Variants in PARD3B observed in about 807,000 individuals in gnomAD.
PARD3B encodes par-3 family cell polarity regulator beta, also known as partitioning defective 3 homolog B.
PARD3B carries 103 observed loss-of-function variants against 130.2 expected under a neutral mutation model. The observed-to-expected ratio is 0.79, with a 90% confidence interval of 0.67 to 0.93. PARD3B has a LOEUF of 0.93. Ranked by LOEUF, PARD3B falls within the 40% of genes least tolerant of loss-of-function variation. The pLI, the probability that PARD3B is intolerant of heterozygous loss-of-function variation, is 0.00. For synonymous variants in PARD3B, 583 were observed against 553.2 expected, an observed-to-expected ratio of 1.05 and a Z score of -0.76; for missense variants, 1,609 against 1,499.2, an observed-to-expected ratio of 1.07 and a Z score of -1.21.
rs1575423941 is a variant in PARD3B, at chr2:205,584,677, C to CA, written c.3261-30774dup. 1.3e-5 allele frequency among the ~76,000 whole-genome samples: 2 copies of CA among 151,930 alleles called. No individual in the cohort carries two copies. Among genetic ancestry groups the CA allele is most frequent in the African/African-American group, 4.8e-5 (2 of 41,352 alleles). On this transcript the variant is annotated intron_variant, in intron 22 of 22. Transcript: ENST00000406610. This position sits in a 1 kb window ranked among gnomAD's most constrained non-coding sequence, Gnocchi z 5.5. ...TGGGCAACAGAGCAAAACTCCATCT[C>CA]AAAAATAAATAAATAAAAATAAATA... is the stretch of plus-strand genomic sequence containing the variant.
intron 18 of PARD3B, among the ~76,000 whole-genome samples, chr2:205,357,543 C>A (rs2044239656): frequency 6.6e-6 from 1 of 151,686 alleles, no homozygotes; most frequent in African/African-American, 2.4e-5. Context: ...CCAATGATGC[C>A]AGAGAAAAAG....
intron 2 of PARD3B, among the ~76,000 whole-genome samples, chr2:204,958,408 G>C (rs1050801795): frequency 6.6e-6 from 1 of 152,208 alleles, no homozygotes; most frequent in Non-Finnish European, 1.5e-5. Flanking sequence ...CACAAACCAT[G>C]TACTGCTAGG....
intron 2 of PARD3B, among the ~76,000 whole-genome samples, chr2:204,796,211 C>G (rs2042370276): frequency 6.6e-6 from 1 of 152,136 alleles, no homozygotes; most frequent in Non-Finnish European, 1.5e-5. Context: ...TTTCCTCTAC[C>G]AGGGTGGTCT....
rs938688307 is a variant in PARD3B at position 205,022,299 on chromosome 2, A to G, written c.395-25282A>G. Among the ~76,000 whole-genome samples the G allele has an allele frequency of 8.5e-5, 13 of 152,172 alleles. 1 individual carries two copies. Among genetic ancestry groups the G allele is most frequent in the African/African-American group, 2.4e-4 (10 of 41,454 alleles). On this transcript the variant is annotated intron_variant, in intron 3 of 22. Coordinates refer to ENST00000406610, the MANE Select transcript of PARD3B (RefSeq NM_001302769.2). ...TATCTATGACTGGATTGTAACAGAA[A>G]TTGGAATTTGCCGGCCAACACTGAA...
chr2:205,460,974 A>G lies in PARD3B; in HGVS notation c.3044+20302A>G, dbSNP rs1338958379. On this transcript the variant is annotated intron_variant, in intron 20 of 22. Transcript: ENST00000406610. The surrounding 1 kb of genome is among the most constrained non-coding windows in gnomAD (Gnocchi z 4.9). ...CCTCCAGTCCAGGGCTTAGGAAACA[A>G]GGTTCTTTAACAGTCATTTGATTTC... 6.6e-6 allele frequency among the ~76,000 whole-genome samples: 1 copy of G among 152,176 alleles called. No individual in the cohort carries two copies. Among genetic ancestry groups the G allele is most frequent in the East Asian group, 1.9e-4 (1 of 5,198 alleles).
At chr2:204,747,513 A>G (rs2040290484) in intron 2 of PARD3B, among the ~76,000 whole-genome samples, 1 of 152,206 alleles carries the variant, frequency 6.6e-6, no homozygotes, top group African/African-American at 2.4e-5. Context: ...TGCCCAAGGT[A>G]ATTTATAGAT....
chr2:205,610,250 C>T (rs2055182291), intron 22 of PARD3B, among the ~76,000 whole-genome samples: 1 of 152,158 alleles, frequency 6.6e-6, no homozygotes, highest in South Asian at 2.1e-4. Flanking sequence ...ACCTTGACCT[C>T]GGGTTCGTGT....
intron 18 of PARD3B, among the ~76,000 whole-genome samples, chr2:205,307,903 G>C (rs753352413): frequency 2.0e-5 from 3 of 152,102 alleles, no homozygotes; most frequent in Non-Finnish European, 2.9e-5. Context: ...GGAAAGGTTT[G>C]ATATGGTTCA....
chr2:204,941,966 A>G (rs1298826763), intron 2 of PARD3B, among the ~76,000 whole-genome samples: 1 of 152,154 alleles, frequency 6.6e-6, no homozygotes, highest in Non-Finnish European at 1.5e-5. Flanking sequence ...CATATCTTTA[A>G]GCTGGTTTTA....
rs1435016259 is a variant in PARD3B, at chr2:205,463,570, T to G, written c.3044+22898T>G. Among the ~76,000 whole-genome samples the G allele has an allele frequency of 6.6e-6, 1 of 152,182 alleles. No homozygotes were observed. The highest frequency in any genetic ancestry group is 6.5e-5 in the Admixed American group (1 of 15,276). On this transcript the variant is annotated intron_variant, in intron 20 of 22. Transcript: ENST00000406610. The surrounding 1 kb of genome is among the most constrained non-coding windows in gnomAD (Gnocchi z 4.8). ...GGGAGAGAGATCATTACACTTCTGC[T>G]CATGGTTAGCTATTTGTGAACCAAC...
intron 1 of PARD3B, among the ~76,000 whole-genome samples, chr2:204,617,034 C>G: frequency 6.6e-6 from 1 of 152,096 alleles, no homozygotes; most frequent in South Asian, 2.1e-4. Flanking sequence ...TTTAAAAACC[C>G]ATGCCAAAGT....
intron 14 of PARD3B, among the ~76,000 whole-genome samples, chr2:205,191,455 G>A (rs1173245963): frequency 6.6e-6 from 1 of 152,176 alleles, no homozygotes; most frequent in Non-Finnish European, 1.5e-5. Flanking sequence ...AGGGCTCCTA[G>A]TCACAGACTT....
At chr2:205,398,345 T>C (rs1479527562) in intron 18 of PARD3B, among the ~76,000 whole-genome samples, 1 of 152,188 alleles carries the variant, frequency 6.6e-6, no homozygotes, top group African/African-American at 2.4e-5. Flanking sequence ...TCTGTATTTT[T>C]CTCTTTTCCG....
intron 16 of PARD3B, among the ~76,000 whole-genome samples, chr2:205,283,164 T>C (rs1386382347): frequency 6.6e-6 from 1 of 152,240 alleles, no homozygotes; most frequent in African/African-American, 2.4e-5. Context: ...TCTTGAAGGA[T>C]TGGTTCTTTC....
chr2:205,473,657 T>C lies in PARD3B; in HGVS notation c.3045-26239T>C, dbSNP rs1367636476. 1.1e-5 allele frequency among the ~76,000 whole-genome samples: 1 copy of C among 90,100 alleles called. No homozygotes were observed. The highest frequency in any genetic ancestry group is 2.9e-4 in the East Asian group (1 of 3,508). 59.1% of individuals were successfully genotyped at this position (90,100 alleles called of 152,430 possible). A position where few individuals can be genotyped will look rare whatever the true frequency, so the allele number is the denominator to read the frequency against. On this transcript the variant is annotated intron_variant, in intron 20 of 22. Transcript: ENST00000406610. This position sits in a 1 kb window ranked among gnomAD's most constrained non-coding sequence, Gnocchi z 4.9. ...TTCCCAATATAAGGTTATATATATG[T>C]GTGTGTGTGTGTGTGTGTGTGTGTA...
At chr2:205,490,974 G>A (rs1021219239) in intron 20 of PARD3B, among the ~76,000 whole-genome samples, 5 of 152,186 alleles carry the variant, frequency 3.3e-5, no homozygotes, top group South Asian at 2.1e-4. Context: ...TCTTGTAAAT[G>A]TGTTGGAGTT....
intron 22 of PARD3B, among the ~76,000 whole-genome samples, chr2:205,570,897 C>A (rs995895259): frequency 2.0e-5 from 3 of 152,172 alleles, no homozygotes; most frequent in Admixed American, 6.5e-5. Flanking sequence ...AAGTACTATG[C>A]TGATCCCACC....
At chr2:205,371,785 C>G (rs2044828554) in intron 18 of PARD3B, among the ~76,000 whole-genome samples, 1 of 152,022 alleles carries the variant, frequency 6.6e-6, no homozygotes, top group Non-Finnish European at 1.5e-5. Context: ...AATATATTCA[C>G]AGAGTTGTAC....
At chr2:205,008,009 A>G (rs1037361419) in intron 3 of PARD3B, among the ~76,000 whole-genome samples, 3 of 152,218 alleles carry the variant, frequency 2.0e-5, no homozygotes, top group Admixed American at 2.0e-4. Context: ...GTTGGTGTAT[A>G]GCAGTATAGC....
Sources: allele counts gnomAD v4.1 joint callset (sites outside exome capture counted in the v4.1 genomes callset), GRCh38; gene constraint gnomAD v4.1.1; non-coding constraint Gnocchi (gnomAD v3.1); transcripts MANE v1.5; gene names NCBI Gene and HGNC (gene_info 2026-07-23, HGNC 2026-07-21).